Variants in DPF1 observed in about 807,000 individuals in gnomAD.
DPF1 encodes double PHD fingers 1.
In DPF1, 14 loss-of-function variants were observed where a neutral mutation model predicts 58.7. The ratio of observed to expected loss-of-function variants is 0.24; its 90% CI spans 0.16 to 0.37. DPF1 has a LOEUF of 0.37. DPF1 is among the 10% of genes least tolerant of loss of function. DPF1 has a pLI of 1.00. For synonymous variants in DPF1, 216 were observed against 216.0 expected (o/e 1.00, Z 0.00); for missense variants, 345 against 529.9 (o/e 0.65, Z 3.43).
upstream of DPF1, among the ~76,000 whole-genome samples, chr19:38,227,522 A>G (rs569331571): frequency 5.3e-5 from 8 of 151,974 alleles, no homozygotes; most frequent in East Asian, 1.5e-3. Flanking sequence ...TGGCCCAAAC[A>G]ATCCTCCTGC....
At position 38,218,627 on chromosome 19, in the gene DPF1, C is replaced by G; in HGVS notation, c.462G>C (p.Glu154Asp). 6.2e-7 allele frequency: 1 copy of G among 1,614,192 alleles called. No homozygotes were observed. Among genetic ancestry groups the G allele is most frequent in the Non-Finnish European group, 8.5e-7 (1 of 1,180,038 alleles). Reference protein sequence around the residue: ...QQLLEFPHDLEVEDLEDDIPR... With the variant: ...QQLLEFPHDLDVEDLEDDIPR... ...GAATGTCATCCTCCAAGTCTTCCAC[C>G]TCGAGGTCATGCGGAAACTCCAGCA... The change falls in exon 5 of 12, where the codon GAG (glutamate) becomes GAC (aspartate). Residue 154 changes from glutamate to aspartate, a missense_variant. Physicochemically the swap from Glu to Asp is conservative, Grantham distance 45 (BLOSUM62 2). Transcript: ENST00000355526.
At chr19:38,224,225 C>G, upstream of DPF1, 1 of 1,296,176 alleles carries the variant, frequency 7.7e-7, no homozygotes, top group Non-Finnish European at 9.8e-7. The surrounding 1 kb of genome is among the most constrained non-coding windows in gnomAD (Gnocchi z 4.5). Context: ...GCCGCCCATC[C>G]ATTCATTCCC....
intron 9 of DPF1, among the ~76,000 whole-genome samples, 171 bp downstream of exon 9, chr19:38,215,969 T>C (rs544492469): frequency 6.6e-6 from 1 of 152,212 alleles, no homozygotes; most frequent in Admixed American, 6.5e-5. Context: ...CCGACCCAAT[T>C]CCCACAATCC....
At chr19:38,227,409 C>G (rs981660463), upstream of DPF1, among the ~76,000 whole-genome samples, 7 of 152,006 alleles carry the variant, frequency 4.6e-5, no homozygotes, top group Middle Eastern at 3.4e-3. Flanking sequence ...CAGACGCAGG[C>G]TGACACTTGC....
intron 10 of DPF1, 62 bp from the exon 11 acceptor site, chr19:38,212,423 G>A (rs1973517976): frequency 4.8e-6 from 3 of 630,636 alleles, no homozygotes; most frequent in East Asian, 2.9e-5. Flanking sequence ...ACGGGGGTGG[G>A]GGGCTGGGGC....
chr19:38,213,845 C>T, intron 9 of DPF1, 89 bp from the exon 10 acceptor site: 1 of 1,125,534 alleles, frequency 8.9e-7, no homozygotes. Context: ...TCAGCCCCTA[C>T]CCCTGGCTCA....
intron 3 of DPF1, among the ~76,000 whole-genome samples, chr19:38,221,236 A>G (rs1206679262): frequency 6.6e-6 from 1 of 152,198 alleles, no homozygotes; most frequent in African/African-American, 2.4e-5. Flanking sequence ...AGGCACCCAC[A>G]GAAAAAAATA....
At position 38,214,330 on chromosome 19, in the gene DPF1, C is replaced by T. The variant is rs557217499; in HGVS notation, c.899-574G>A. 6.6e-5 allele frequency among the ~76,000 whole-genome samples: 10 copies of T among 152,346 alleles called. No individual in the cohort carries two copies. The East Asian group carries it at 1.9e-3, about 29-fold the overall frequency. On this transcript the variant is annotated intron_variant, in intron 9 of 11. Coordinates refer to ENST00000355526, the MANE Select transcript of DPF1 (RefSeq NM_001135155.3). ...TCATTCCACAGCCCCGCTGCAGAGA[C>T]ACCCGCAGCCGCTACCTGCAGCCAC...
chr19:38,220,278 A>AAAG, intron 3 of DPF1, among the ~76,000 whole-genome samples: 1 of 151,052 alleles, frequency 6.6e-6, no homozygotes, highest in East Asian at 2.0e-4. Context: ...GGAAGGAAAG[A>AAAG]AAAGAAAAAG....
chr19:38,222,294 A>T lies in DPF1; in HGVS notation c.298+63T>A. 2 of 1,375,736 alleles carry T rather than the reference A, an allele frequency of 1.5e-6. No individual in the cohort carries two copies. Among genetic ancestry groups the T allele is most frequent in the Non-Finnish European group, 2.0e-6 (2 of 1,001,240 alleles). The allele number at this position is 1,375,736 out of a possible 1,614,324, so 85.2% of individuals were successfully genotyped here. A position where few individuals can be genotyped will look rare whatever the true frequency, so the allele number is the denominator to read the frequency against. ...TGCTAGAAGGCGATAAAGGTGATGG[A>T]CGAGTGCTAGGACACACAGCAGGCG... On this transcript the variant is annotated intron_variant, in intron 3 of 11. Transcript: ENST00000355526. The surrounding 1 kb of genome is among the most constrained non-coding windows in gnomAD (Gnocchi z 4.9).
At chr19:38,214,301 T>A (rs976765890) in intron 9 of DPF1, among the ~76,000 whole-genome samples, 2 of 152,210 alleles carry the variant, frequency 1.3e-5, no homozygotes, top group African/African-American at 4.8e-5. Context: ...AGCGCCAGGC[T>A]TAGTCATTCC....
At chr19:38,214,762 G>C (rs533172925) in intron 9 of DPF1, among the ~76,000 whole-genome samples, 2 of 151,814 alleles carry the variant, frequency 1.3e-5, no homozygotes, top group African/African-American at 4.8e-5. Context: ...GACCTCCCAG[G>C]CTCCAGCGAT....
intron 3 of DPF1, among the ~76,000 whole-genome samples, chr19:38,221,728 T>C (rs1247078186): frequency 2.0e-5 from 3 of 151,918 alleles, no homozygotes; most frequent in African/African-American, 7.3e-5. Flanking sequence ...GACAGGAGGA[T>C]CCCTTGAGCT....
At chr19:38,214,301 TTA>T (rs1293662552) in intron 9 of DPF1, among the ~76,000 whole-genome samples, 4 of 152,210 alleles carry the variant, frequency 2.6e-5, no homozygotes, top group Non-Finnish European at 5.9e-5. Context: ...AGCGCCAGGC[TTA>T]GTCATTCCAC....
In DPF1 at chr19:38,212,069, G is replaced by T; in HGVS notation, c.1158C>A (p.Leu386=). The T allele has an allele frequency of 6.2e-7, 1 of 1,611,704 alleles. No individual in the cohort carries two copies. Among genetic ancestry groups the T allele is most frequent in the Admixed American group, 1.7e-5 (1 of 59,794 alleles). ...CGCGGCGAGCCGAGCCGGCCTAGGT[G>T]AGGGTGATGTAAGCAGAAGCCTTTT... The part of the protein sequence containing the change: ...LKEKASAYIT[L]T Residue 386 remains leucine, a synonymous_variant, in exon 12 of 12, where the codon CTC becomes CTA. Coordinates refer to ENST00000355526, the MANE Select transcript of DPF1 (RefSeq NM_001135155.3).
chr19:38,229,501 G>C lies in DPF1; in HGVS notation c.-132+58C>G. On this transcript the variant is annotated intron_variant, in intron 1 of 11. Coordinates refer to the DPF1 transcript ENST00000412732. The surrounding 1 kb of genome is among the most constrained non-coding windows in gnomAD (Gnocchi z 5.3). ...CCCTCCTCAGCCCCAGGGCGGGCGG[G>C]GGAAGGGCTCCTGGTGGGGGGGTCT... 1 of 1,039,896 alleles carries C rather than the reference G, an allele frequency of 9.6e-7. No individual in the cohort carries two copies. Among genetic ancestry groups the C allele is most frequent in the Non-Finnish European group, 1.2e-6 (1 of 829,482 alleles). 64.4% of individuals were successfully genotyped at this position (1,039,896 alleles called of 1,614,324 possible).
upstream of DPF1, among the ~76,000 whole-genome samples, chr19:38,227,062 T>C (rs937665072): frequency 2.8e-4 from 43 of 151,080 alleles, no homozygotes; most frequent in African/African-American, 9.2e-4. Context: ...TTTCTTCTCT[T>C]TCTTTCCTCT....
In DPF1 at chr19:38,223,823, C is replaced by CG. The variant is rs1967676230; in HGVS notation, c.29+290dup. ...CCAGTTGCCAAGGCCCCCGCACCCC[C>CG]GGGTCATTTCAGTCTCTCCCAGACC... On this transcript the variant is annotated intron_variant, in intron 1 of 11. Coordinates refer to ENST00000355526, the MANE Select transcript of DPF1 (RefSeq NM_001135155.3). The CG allele has an allele frequency of 9.4e-6, 3 of 318,144 alleles. No individual in the cohort carries two copies. In the Admixed American group the frequency reaches 1.5e-4, roughly 16 times the overall value. 19.7% of individuals were successfully genotyped at this position (318,144 alleles called of 1,614,324 possible).
chr19:38,217,521 C>T lies in DPF1; in HGVS notation c.666G>A (p.Glu222=), dbSNP rs1380282897. The T allele has an allele frequency of 6.4e-7, 1 of 1,551,590 alleles. No individual in the cohort carries two copies. The part of the protein sequence containing the change: ...YHYTHTHLAE[E]EGEENAERHA... ...GGCGTTCGGCGTTCTCCTCCCCCTC[C>T]TCCTCGGCCAGGTGGGTGTGGGTGT... The change falls in exon 7 of 12, where the codon GAG becomes GAA. Residue 222 remains glutamate, a synonymous_variant. Transcript: ENST00000355526.
Sources: gnomAD v4.1 joint callset for allele counts (sites outside exome capture counted in the v4.1 genomes callset) on GRCh38, gnomAD v4.1.1 for gene constraint, Gnocchi (gnomAD v3.1) non-coding constraint, MANE v1.5 for transcripts, NCBI Gene and HGNC (gene_info 2026-07-23, HGNC 2026-07-21) for gene names.